PEAK1: variants seen among roughly 807,000 people sequenced by gnomAD.
The protein encoded by PEAK1 is pseudopodium enriched atypical kinase 1.
In PEAK1, 54 loss-of-function variants were observed where a neutral mutation model predicts 124.7. That is an observed-to-expected ratio of 0.43 (90% CI 0.35 to 0.54). The LOEUF (loss-of-function observed/expected upper bound fraction) is 0.54. PEAK1 is among the 20% of genes least tolerant of loss of function. PEAK1 has a pLI of 0.01. For synonymous variants in PEAK1, 719 were observed against 760.0 expected (o/e 0.95, Z 0.89); for missense variants, 2,046 against 2,134.5 (o/e 0.96, Z 0.82).
At chr15:77,295,252 A>G (rs749391829) in intron 2 of PEAK1, among the ~76,000 whole-genome samples, 1 of 152,140 alleles carries the variant, frequency 6.6e-6, no homozygotes, top group Admixed American at 6.5e-5. Context: ...GTTTTTACTA[A>G]GCTGTGTAGG....
intron 1 of PEAK1, chr15:77,418,571 T>C: frequency 1.0e-6 from 1 of 984,908 alleles, no homozygotes; most frequent in Non-Finnish European, 1.2e-6. Context: ...AAATGTACCA[T>C]ATCTGCCATT....
chr15:77,281,490 TAAG>T (rs1427709859), intron 5 of PEAK1, among the ~76,000 whole-genome samples: 1 of 152,138 alleles, frequency 6.6e-6, no homozygotes, highest in Admixed American at 6.5e-5. Flanking sequence ...TGTTTATATA[TAAG>T]AATAAGCAAA....
chr15:77,337,926 G>A, intron 2 of PEAK1: 1 of 984,376 alleles, frequency 1.0e-6, no homozygotes, highest in Non-Finnish European at 1.2e-6. Flanking sequence ...TCAATAATTT[G>A]GGGGTGCTGA....
intron 2 of PEAK1, chr15:77,347,629 A>C (rs2066945615): frequency 1.1e-5 from 11 of 983,744 alleles, no homozygotes; most frequent in African/African-American, 1.7e-5. Context: ...GACTTTAAAA[A>C]AATTTTAATG....
intron 2 of PEAK1, among the ~76,000 whole-genome samples, chr15:77,319,000 G>C (rs1343934309): frequency 1.3e-5 from 2 of 152,086 alleles, no homozygotes; most frequent in Non-Finnish European, 2.9e-5. Context: ...CAAAAGTAAA[G>C]CTTTGCCACA....
At chr15:77,352,943 T>C (rs928432044) in intron 2 of PEAK1, 23 of 985,250 alleles carry the variant, frequency 2.3e-5, no homozygotes, top group Non-Finnish European at 2.7e-5. Flanking sequence ...ATTGTACTGC[T>C]CTTCTCATTA....
At chr15:77,117,845 T>C (rs2051534072) in intron 9 of PEAK1, among the ~76,000 whole-genome samples, 2 of 152,208 alleles carry the variant, frequency 1.3e-5, no homozygotes, top group Admixed American at 1.3e-4. Context: ...ATTCTAATTG[T>C]GACTCGTATT....
intron 1 of PEAK1, among the ~76,000 whole-genome samples, chr15:77,393,408 G>C (rs540911220): frequency 6.6e-6 from 1 of 152,220 alleles, no homozygotes; most frequent in Non-Finnish European, 1.5e-5. Context: ...AAAGGGAAGA[G>C]TAAAGAGGAC....
rs116532668 is a variant in PEAK1 at position 77,135,010 on chromosome 15, G to A, written c.3332-1260C>T. On this transcript the variant is annotated intron_variant, in intron 8 of 9. Transcript: ENST00000682557. Reference sequence around the variant, plus strand: ...TGGAGTGACACAGGTGCAGACTAAGGAATACCAAGCATTGATGGCCACTAC... The same window carrying A: ...TGGAGTGACACAGGTGCAGACTAAGAAATACCAAGCATTGATGGCCACTAC... Among the ~76,000 whole-genome samples the A allele has an allele frequency of 3.8e-3, 583 of 152,260 alleles. 2 individuals carry two copies. The highest frequency in any genetic ancestry group is 0.012 in the African/African-American group (484 of 41,538).
Position 77,226,053 on chromosome 15 carries a change from ATATATATATATATATATATATAT to A in PEAK1, c.-115+26291_-115+26313del, listed in dbSNP as rs1194144460. On this transcript the variant is annotated intron_variant, in intron 6 of 9. Coordinates refer to ENST00000682557, the MANE Select transcript of PEAK1 (RefSeq NM_001385026.1). Reference sequence around the variant, plus strand: ...CAACTGAAAATAAAGGGATATATATATATATATATATATATATATATATATATATATATATTACACACACATAC... The same window carrying A: ...CAACTGAAAATAAAGGGATATATATAATATATATATATTACACACACATAC... Among the ~76,000 whole-genome samples the A allele has an allele frequency of 8.2e-5, 7 of 84,926 alleles. 1 individual carries two copies. The highest frequency in any genetic ancestry group is 7.6e-4 in the Admixed American group (6 of 7,874). The allele number at this position is 84,926 out of a possible 152,430, so 55.7% of individuals were successfully genotyped here.
At position 77,181,993 on chromosome 15, in the gene PEAK1, T is replaced by C. The variant is rs2057300490; in HGVS notation, c.-67A>G. 51 of 1,505,366 alleles carry C rather than the reference T, an allele frequency of 3.4e-5. No homozygotes were observed. Among genetic ancestry groups the C allele is most frequent in the Non-Finnish European group, 4.3e-5 (49 of 1,132,654 alleles). The allele number at this position is 1,505,366 out of a possible 1,614,324, so 93.3% of individuals were successfully genotyped here. On this transcript the variant is annotated 5_prime_UTR_variant, in exon 7 of 10. Transcript: ENST00000682557. The stretch of plus-strand genomic sequence containing the variant: ...GCATGACAAAACTTTCATCTGTTAG[T>C]TTTCACTTCCCCTATGTGTTACAGC...
chr15:77,199,458 C>G (rs79440376), intron 6 of PEAK1, among the ~76,000 whole-genome samples: 20 of 152,220 alleles, frequency 1.3e-4, no homozygotes, highest in Non-Finnish European at 2.8e-4. Flanking sequence ...AAAGAGAGCT[C>G]TGATAGAGAG....
chr15:77,405,412 C>T (rs1394057312), intron 1 of PEAK1, among the ~76,000 whole-genome samples: 1 of 152,152 alleles, frequency 6.6e-6, no homozygotes, highest in East Asian at 1.9e-4. Flanking sequence ...CAGATTTTCT[C>T]CTTTTTACTT....
chr15:77,260,250 A>G (rs915855252), intron 5 of PEAK1, among the ~76,000 whole-genome samples: 8 of 152,332 alleles, frequency 5.3e-5, no homozygotes, highest in African/African-American at 1.7e-4. Context: ...GAACTGAACA[A>G]ACTAATCTGT....
At chr15:77,342,517 T>C (rs1352822363) in intron 2 of PEAK1, among the ~76,000 whole-genome samples, 1 of 151,666 alleles carries the variant, frequency 6.6e-6, no homozygotes, top group African/African-American at 2.4e-5. Context: ...GTGATTCTCC[T>C]GCCTCAGCCT....
chr15:77,333,820 C>G, intron 2 of PEAK1: 1 of 763,124 alleles, frequency 1.3e-6, no homozygotes, highest in Non-Finnish European at 1.6e-6. Context: ...TAAAAATCTT[C>G]TAATATATGG....
intron 2 of PEAK1, among the ~76,000 whole-genome samples, chr15:77,292,547 G>A (rs991345346): frequency 1.3e-5 from 2 of 151,770 alleles, no homozygotes; most frequent in Admixed American, 6.6e-5. Flanking sequence ...CTGCAAAAGG[G>A]ATGTTTGTTT....
At chr15:77,313,205 T>G (rs1482166277) in intron 2 of PEAK1, among the ~76,000 whole-genome samples, 1 of 152,142 alleles carries the variant, frequency 6.6e-6, no homozygotes, top group Non-Finnish European at 1.5e-5. Flanking sequence ...GATATGGGTA[T>G]GTCAAAGGGG....
chr15:77,271,943 G>T (rs1420599057), intron 5 of PEAK1, among the ~76,000 whole-genome samples: 2 of 151,794 alleles, frequency 1.3e-5, no homozygotes, highest in Non-Finnish European at 2.9e-5. Context: ...TAAAAAAAAA[G>T]GAAATCAACT....
Sources: gnomAD v4.1 joint callset for allele counts (sites outside exome capture counted in the v4.1 genomes callset) on GRCh38, gnomAD v4.1.1 for gene constraint, MANE v1.5 for transcripts, NCBI Gene and HGNC (gene_info 2026-07-23, HGNC 2026-07-21) for gene names.